ANKRD30A: variants seen among roughly 807,000 people sequenced by gnomAD.
ANKRD30A encodes the protein ankyrin repeat domain 30A.
In ANKRD30A, 170 loss-of-function variants were observed where a neutral mutation model predicts 166.3. That is an observed-to-expected ratio of 1.02 (90% CI 0.90 to 1.16). The LOEUF is 1.16. Ranked by LOEUF, ANKRD30A falls within the 50% of genes most tolerant of loss-of-function variation. The pLI is 0.00. For missense variants in ANKRD30A, 1,630 were observed against 1,518.0 expected, an observed-to-expected ratio of 1.07 and a Z score of -1.23; for synonymous variants, 564 against 508.9, an observed-to-expected ratio of 1.11 and a Z score of -1.46.
At chr10:37,216,070 G>A (rs1228705141) in intron 31 of ANKRD30A, 111 bp from the exon 32 acceptor site, 4 of 663,830 alleles carry the variant, frequency 6.0e-6, no homozygotes, top group South Asian at 2.8e-5. Context: ...CCTTCCACGT[G>A]GTAGGCAATC....
intron 15 of ANKRD30A, among the ~76,000 whole-genome samples, chr10:37,158,884 A>G (rs1191339542): frequency 6.6e-6 from 1 of 152,162 alleles, no homozygotes; most frequent in African/African-American, 2.4e-5. Flanking sequence ...GTGAATTTTG[A>G]GACTGAAATA....
chr10:37,178,723 T>A, intron 24 of ANKRD30A: 1 of 646,348 alleles, frequency 1.5e-6, no homozygotes, highest in Non-Finnish European at 1.9e-6. Flanking sequence ...GAAAAAATAA[T>A]TTTAACAGGT....
At chr10:37,167,130 G>T (rs1209813354) in intron 19 of ANKRD30A, among the ~76,000 whole-genome samples, 2 of 151,746 alleles carry the variant, frequency 1.3e-5, no homozygotes, top group African/African-American at 4.9e-5. Context: ...TTTCTATGAA[G>T]GAAAATGGAG....
chr10:37,153,146 G>T (rs1304510702), intron 12 of ANKRD30A, among the ~76,000 whole-genome samples: 1 of 152,116 alleles, frequency 6.6e-6, no homozygotes, highest in Non-Finnish European at 1.5e-5. Flanking sequence ...ACACTAAACA[G>T]TTCTGTGATC....
At chr10:37,157,873 A>C (rs1627967) in intron 13 of ANKRD30A, among the ~76,000 whole-genome samples, 3 of 152,190 alleles carry the variant, frequency 2.0e-5, no homozygotes, top group South Asian at 2.1e-4. Context: ...TGATAAGTAC[A>C]TTGTACCTTT....
At chr10:37,198,303 T>A (rs974933284) in intron 29 of ANKRD30A, among the ~76,000 whole-genome samples, 7 of 152,098 alleles carry the variant, frequency 4.6e-5, no homozygotes, top group Non-Finnish European at 1.0e-4. Flanking sequence ...TCGTTTTTGA[T>A]CAGCATTATA....
At chr10:37,246,776 G>A in the ANKRD30A span, among the ~76,000 whole-genome samples, 4 of 152,172 alleles carry the variant, frequency 2.6e-5, no homozygotes, top group Admixed American at 2.0e-4. Context: ...CAACATGTTG[G>A]ATGGGATGAT....
chr10:37,205,711 T>C (rs1181374240), intron 31 of ANKRD30A, among the ~76,000 whole-genome samples: 1 of 152,224 alleles, frequency 6.6e-6, no homozygotes, highest in Non-Finnish European at 1.5e-5. Flanking sequence ...TATAAGCATA[T>C]ATGAGCAGCC....
intron 24 of ANKRD30A, among the ~76,000 whole-genome samples, chr10:37,179,013 AAT>A (rs139390228): frequency 0.021 from 2,361 of 115,058 alleles, 4 homozygotes; most frequent in Admixed American, 0.026. Flanking sequence ...TGAGGCGTCA[AAT>A]ATATATATAT....
intron 11 of ANKRD30A, among the ~76,000 whole-genome samples, chr10:37,151,417 T>TA (rs1361275383): frequency 2.0e-5 from 3 of 152,140 alleles, no homozygotes; most frequent in African/African-American, 7.2e-5. Context: ...ACTCTGAAGA[T>TA]ATTGTTGCAT....
chr10:37,137,751 C>T (rs191887497), intron 6 of ANKRD30A, among the ~76,000 whole-genome samples: 5 of 152,230 alleles, frequency 3.3e-5, no homozygotes, highest in African/African-American at 7.2e-5. Flanking sequence ...TGGAGCCCAC[C>T]GCAGCTCAAG....
the ANKRD30A span, among the ~76,000 whole-genome samples, chr10:37,255,872 G>A: frequency 6.6e-6 from 1 of 152,162 alleles, no homozygotes; most frequent in South Asian, 2.1e-4. Context: ...GACTATTCCT[G>A]TAAGAATGTA....
chr10:37,218,485 T>C (rs964383841), intron 33 of ANKRD30A, among the ~76,000 whole-genome samples: 1 of 150,906 alleles, frequency 6.6e-6, no homozygotes, highest in African/African-American at 2.4e-5. Context: ...CATTCATAAA[T>C]ATAATTCTTA....
chr10:37,199,068 G>A (rs1203702646), intron 29 of ANKRD30A, among the ~76,000 whole-genome samples: 2 of 152,034 alleles, frequency 1.3e-5, no homozygotes, highest in Non-Finnish European at 2.9e-5. Context: ...GGTGTCACAA[G>A]CTGACTCTGA....
chr10:37,223,654 GT>G (rs1183165150), intron 34 of ANKRD30A, among the ~76,000 whole-genome samples: 1 of 151,256 alleles, frequency 6.6e-6, no homozygotes, highest in African/African-American at 2.4e-5. Flanking sequence ...ATTTTGGGTT[GT>G]TTTTTAAAAA....
intron 9 of ANKRD30A, among the ~76,000 whole-genome samples, chr10:37,148,977 C>T (rs1360118998): frequency 6.6e-6 from 1 of 151,906 alleles, no homozygotes; most frequent in Admixed American, 6.6e-5. Flanking sequence ...ATGTTTAATA[C>T]ATCTATTGCA....
At chr10:37,137,896 G>A (rs1483968264) in intron 6 of ANKRD30A, among the ~76,000 whole-genome samples, 7 of 152,154 alleles carry the variant, frequency 4.6e-5, no homozygotes, top group African/African-American at 1.2e-4. Context: ...CACCCAGCAC[G>A]CAGCTGGAGA....
chr10:37,138,074 A>T (rs1588760433), intron 6 of ANKRD30A, among the ~76,000 whole-genome samples: 1 of 152,210 alleles, frequency 6.6e-6, no homozygotes, highest in African/African-American at 2.4e-5. Flanking sequence ...GTTCACCAAT[A>T]TCCGCTCTTC....
At position 37,136,829 on chromosome 10, in the gene ANKRD30A, G is replaced by GTATA. The variant is rs1303003146; in HGVS notation, c.820+159_820+160insATAT. 9.6e-5 allele frequency among the ~76,000 whole-genome samples: 9 copies of GTATA among 93,434 alleles called. No homozygotes were observed. The South Asian group carries it at 2.0e-3, about 21-fold the overall frequency. The allele number at this position is 93,434 out of a possible 152,430, so 61.3% of individuals were successfully genotyped here. On this transcript the variant is annotated intron_variant, in intron 6 of 35. Coordinates refer to ENST00000361713, the MANE Select transcript of ANKRD30A (RefSeq NM_052997.3). Reference sequence around the variant, plus strand: ...GGTGTGTGTATGTGTGTGTGTGTGTGTGTATATATATATATATATATAGCT... The same window carrying GTATA: ...GGTGTGTGTATGTGTGTGTGTGTGTGTATATGTATATATATATATATATATAGCT...
Sources: allele counts gnomAD v4.1 joint callset (sites outside exome capture counted in the v4.1 genomes callset), GRCh38; gene constraint gnomAD v4.1.1; transcripts MANE v1.5; gene names NCBI Gene and HGNC (gene_info 2026-07-23, HGNC 2026-07-21).